GRIPAP1: variants seen among roughly 807,000 people sequenced by gnomAD.
The protein encoded by GRIPAP1 is GRIP1-associated protein 1.
In GRIPAP1, 14 loss-of-function variants were observed where a neutral mutation model predicts 84.1. That is an observed-to-expected ratio of 0.17 (90% CI 0.11 to 0.26). The LOEUF (loss-of-function observed/expected upper bound fraction) is 0.26, where lower values mean the gene tolerates loss of function less well. Ranked by LOEUF, GRIPAP1 falls within the 10% of genes least tolerant of loss-of-function variation. The probability of loss-of-function intolerance (pLI) is 1.00; values close to 1 mark genes in which losing one functional copy is unlikely to be tolerated. For synonymous variants in GRIPAP1, 261 were observed against 256.8 expected (o/e 1.02, Z -0.15); for missense variants, 518 against 674.2 (o/e 0.77, Z 2.57).
chrX:48,989,167 T>G (rs1557064751), intron 11 of GRIPAP1, among the ~76,000 whole-genome samples: 1 of 111,077 alleles, frequency 9.0e-6, no homozygotes. Flanking sequence ...CCCAACTATC[T>G]CACCCTTGAA....
rs1557063460 is a variant in GRIPAP1, at chrX:48,985,393, C to T, written c.1051G>A (p.Ala351Thr). Reference sequence around the variant, plus strand: ...AGCATATTCAGTTCTTGGGTCTTTGCTGTTTGGATCTGGAGAAAGTAGTGG... The same window carrying T: ...AGCATATTCAGTTCTTGGGTCTTTGTTGTTTGGATCTGGAGAAAGTAGTGG... ...SLAALEQIQT[A>T]KTQELNMLRE... Residue 351 changes from alanine (A) to threonine (T), a missense_variant, in exon 14 of 26, where the codon GCA becomes ACA. This residue lies in a region of GRIPAP1 where 372 missense variants were observed against 458.1 expected (regional missense o/e 0.81). Coordinates refer to ENST00000376423, the MANE Select transcript of GRIPAP1 (RefSeq NM_020137.5). 8.3e-7 allele frequency: 1 copy of T among 1,207,454 alleles called. No individual in the cohort carries two copies. The highest frequency in any genetic ancestry group is 1.8e-5 in the African/African-American group (1 of 57,080).
intron 14 of GRIPAP1, among the ~76,000 whole-genome samples, chrX:48,984,484 G>A (rs1557063128): frequency 9.1e-6 from 1 of 110,167 alleles, no homozygotes; most frequent in Non-Finnish European, 1.9e-5. Context: ...TTGGGAGGCT[G>A]AGCCGGGTAG....
chrX:48,985,872 G>A (rs1557063582), intron 13 of GRIPAP1, among the ~76,000 whole-genome samples: 1 of 110,569 alleles, frequency 9.0e-6, no homozygotes, highest in East Asian at 2.8e-4. Context: ...AAAAGAGAGA[G>A]ACGAAGAGAG....
At chrX:48,992,945 A>G (rs890403208) in intron 6 of GRIPAP1, among the ~76,000 whole-genome samples, 2 of 109,929 alleles carry the variant, frequency 1.8e-5, no homozygotes, top group Admixed American at 1.9e-4. Context: ...CTCAGCCTCC[A>G]GAGTAGCTGG....
At chrX:48,994,219 CTTT>C (rs200273142) in intron 5 of GRIPAP1, among the ~76,000 whole-genome samples, 3 of 95,174 alleles carry the variant, frequency 3.2e-5, no homozygotes, top group African/African-American at 4.3e-5. Flanking sequence ...TATTTTCTTT[CTTT>C]TTTTTTTTTT....
chrX:48,983,426 C>T lies in GRIPAP1; in HGVS notation c.1287G>A (p.Arg429=). 1 of 1,208,811 alleles carries T rather than the reference C, an allele frequency of 8.3e-7. No individual in the cohort carries two copies. The highest frequency in any genetic ancestry group is 2.2e-5 in the Admixed American group (1 of 46,034). Residue 429 remains arginine, a synonymous_variant, in exon 16 of 26, where the codon CGG becomes CGA. Coordinates refer to ENST00000376423, the MANE Select transcript of GRIPAP1 (RefSeq NM_020137.5). ...TTGCTAGCTCATCCAGCATGGCCTT[C>T]CGCTTCTCCGCACTCTGGGGGCCAG... ...LQEARKSAEK[R]KAMLDELAME... is the part of the protein sequence containing the mutation.
chrX:48,986,981 T>C (rs781923590), intron 13 of GRIPAP1, among the ~76,000 whole-genome samples: 1 of 107,823 alleles, frequency 9.3e-6, no homozygotes, highest in South Asian at 4.0e-4. Flanking sequence ...CCCGAGTAGC[T>C]TGGATTACAG....
At chrX:48,986,944 G>A (rs2064491690) in intron 13 of GRIPAP1, among the ~76,000 whole-genome samples, 1 of 109,575 alleles carries the variant, frequency 9.1e-6, no homozygotes, top group Admixed American at 9.8e-5. Context: ...CACCTCCTGG[G>A]CTCAAGCAAT....
chrX:48,995,947 GATA>G (rs2064545005), intron 5 of GRIPAP1, among the ~76,000 whole-genome samples: 1 of 111,474 alleles, frequency 9.0e-6, no homozygotes, highest in South Asian at 3.7e-4. Flanking sequence ...TTAATAGAAG[GATA>G]ATATTATAAC....
intron 13 of GRIPAP1, 69 bp from the exon 14 acceptor site, chrX:48,985,471 C>G (rs781966646): frequency 1.0e-6 from 1 of 960,656 alleles, no homozygotes; most frequent in Admixed American, 2.4e-5. Context: ...GGGTATGAGC[C>G]CCCTAGTTCC....
intron 5 of GRIPAP1, among the ~76,000 whole-genome samples, chrX:48,994,130 G>C: frequency 9.0e-6 from 1 of 111,254 alleles, no homozygotes; most frequent in Middle Eastern, 4.6e-3. Flanking sequence ...TCTCAAAGCA[G>C]TCCTGAGAAA....
chrX:48,981,027 G>T (rs782713422), intron 21 of GRIPAP1, among the ~76,000 whole-genome samples, 188 bp downstream of exon 21: 5 of 111,976 alleles, frequency 4.5e-5, no homozygotes, highest in Non-Finnish European at 9.4e-5. Context: ...ACGAGAGAAA[G>T]ATAGAAATAA....
At chrX:48,977,289 G>A (rs993115888) in intron 22 of GRIPAP1, 2 of 110,810 alleles carry the variant, frequency 1.8e-5, no homozygotes, top group Admixed American at 1.9e-4. Context: ...GTTTTAAAAA[G>A]AGAGAGAATT....
At chrX:48,994,450 C>T (rs2064536687) in intron 5 of GRIPAP1, among the ~76,000 whole-genome samples, 1 of 110,710 alleles carries the variant, frequency 9.0e-6, no homozygotes, top group African/African-American at 3.3e-5. Context: ...TCTTGAACTC[C>T]TGACCTCAGG....
rs782513712 is a variant in GRIPAP1, at chrX:48,974,282, T to C, written c.2437A>G (p.Met813Val). 2 of 1,185,341 alleles carry C rather than the reference T, an allele frequency of 1.7e-6. No individual in the cohort carries two copies. Among genetic ancestry groups the C allele is most frequent in the East Asian group, 3.0e-5 (1 of 33,668 alleles). The change falls in exon 26 of 26, where the codon ATG becomes GTG. Residue 813 changes from methionine (M) to valine (V), a missense_variant. Physicochemically the swap from Met to Val is conservative, Grantham distance 21. Coordinates refer to ENST00000376423, the MANE Select transcript of GRIPAP1 (RefSeq NM_020137.5). The stretch of plus-strand genomic sequence containing the variant: ...ACAATTTCCTGGGACAGAACTTCCA[T>C]ATCCTAAGAAACAAATGAACCATCA... Reference protein sequence around the residue: ...LTKNMHLHKDMEVLSQEIVRL... With the variant: ...LTKNMHLHKDVEVLSQEIVRL...
chrX:48,980,225 TTGTGTGTGTG>T (rs781796368), intron 21 of GRIPAP1, among the ~76,000 whole-genome samples: 62 of 90,567 alleles, frequency 6.8e-4, no homozygotes, highest in Admixed American at 1.0e-3. Context: ...GCAACTAAAG[TTGTGTGTGTG>T]TGTGTGTGTG....
intron 1 of GRIPAP1, chrX:49,000,620 G>A (rs1206113691): frequency 1.8e-5 from 2 of 109,668 alleles, no homozygotes; most frequent in African/African-American, 3.3e-5. Context: ...GAACCCGGGA[G>A]GTGGAGGTTG....
In GRIPAP1 at chrX:48,975,166, G is replaced by A; in HGVS notation, c.2422C>T (p.His808Tyr). The A allele has an allele frequency of 8.3e-7, 1 of 1,208,985 alleles. No homozygotes were observed. The highest frequency in any genetic ancestry group is 1.8e-5 in the South Asian group (1 of 56,587). Residue 808 changes from histidine to tyrosine, a missense_variant, in exon 25 of 26, where the codon CAC (histidine) becomes TAC (tyrosine). This residue lies in a region of GRIPAP1 where 32 missense variants were observed against 82.4 expected (regional missense o/e 0.39). Coordinates refer to ENST00000376423, the MANE Select transcript of GRIPAP1 (RefSeq NM_020137.5). Reference sequence around the variant, plus strand: ...CAGGCCACACTTGCCTTGTGCAAGTGCATATTCTTGGTGAGCTGCTCCTCC... The same window carrying A: ...CAGGCCACACTTGCCTTGTGCAAGTACATATTCTTGGTGAGCTGCTCCTCC... ...MLEEQLTKNM[H>Y]LHKDMEVLSQ...
chrX:48,975,684 G>A lies in GRIPAP1; in HGVS notation c.2278+334C>T, dbSNP rs781930385. The A allele has an allele frequency of 3.3e-5, 11 of 338,321 alleles. No individual in the cohort carries two copies. The East Asian group carries it at 4.4e-4, about 14-fold the overall frequency. The allele number at this position is 338,321 out of a possible 1,213,427, so 27.9% of individuals were successfully genotyped here. A position where few individuals can be genotyped will look rare whatever the true frequency, so the allele number is the denominator to read the frequency against. On this transcript the variant is annotated intron_variant, in intron 24 of 25. Transcript: ENST00000376423. ...AGAGAAGGAAAACAATATAGACAGC[G>A]AGACAAGATGAAGGAGTGGGGTGAA... is the stretch of plus-strand genomic sequence containing the variant.
Sources: gnomAD v4.1 joint callset for allele counts (sites outside exome capture counted in the v4.1 genomes callset) on GRCh38, gnomAD v4.1.1 for gene constraint, gnomAD v4.1.1 regional missense constraint, MANE v1.5 for transcripts, NCBI Gene and HGNC (gene_info 2026-07-23, HGNC 2026-07-21) for gene names.